The following GRIA2 variants were observed in gnomAD, a reference collection of about 807,000 sequenced individuals.
The protein encoded by GRIA2 is glutamate ionotropic receptor AMPA type subunit 2, also known as glutamate receptor 2.
In GRIA2, 14 loss-of-function variants were observed where a neutral mutation model predicts 97.3. That is an observed-to-expected ratio of 0.14 (90% CI 0.10 to 0.23). The LOEUF is 0.23. Among genes scored for constraint, GRIA2 ranks in the 10% least tolerant of loss-of-function variants. GRIA2 has a pLI of 1.00. For synonymous variants in GRIA2, 412 were observed against 387.8 expected, an observed-to-expected ratio of 1.06 and a Z score of -0.73; for missense variants, 558 against 1,069.8, an observed-to-expected ratio of 0.52 and a Z score of 6.67.
At chr4:157,345,026 A>T (rs1735709939) in intron 12 of GRIA2, among the ~76,000 whole-genome samples, 1 of 152,016 alleles carries the variant, frequency 6.6e-6, no homozygotes, top group Non-Finnish European at 1.5e-5. Context: ...ATAGTTAGGG[A>T]TCTGTTTTGT....
Position 157,221,016 on chromosome 4 carries a change from A to C in GRIA2, c.-27A>C. The stretch of plus-strand genomic sequence containing the variant: ...AGGAAAAGGAAAAAAAAAGGGGTAT[A>C]TTGTGGATGCTCTACTTTTCTTGGA... On this transcript the variant is annotated 5_prime_UTR_variant, in exon 1 of 16. Coordinates refer to ENST00000264426, the MANE Select transcript of GRIA2 (RefSeq NM_001083619.3). 3.5e-6 allele frequency: 4 copies of C among 1,137,564 alleles called. No individual in the cohort carries two copies. The highest frequency in any genetic ancestry group is 2.5e-5 in the South Asian group (2 of 81,416). 70.5% of individuals were successfully genotyped at this position (1,137,564 alleles called of 1,614,324 possible).
intron 2 of GRIA2, among the ~76,000 whole-genome samples, chr4:157,267,391 CAAA>C (rs772189197): frequency 1.7e-4 from 9 of 51,790 alleles, no homozygotes; most frequent in African/African-American, 4.9e-4. Context: ...GACTCCATCT[CAAA>C]AAAAAAAAAA....
chr4:157,223,288 A>C (rs1729591328), intron 2 of GRIA2, among the ~76,000 whole-genome samples: 1 of 152,122 alleles, frequency 6.6e-6, no homozygotes, highest in Admixed American at 6.5e-5. Flanking sequence ...GTAATTTAGG[A>C]TTTAATTGTT....
chr4:157,350,896 G>T (rs1735980698), intron 12 of GRIA2, among the ~76,000 whole-genome samples: 1 of 146,562 alleles, frequency 6.8e-6, no homozygotes, highest in African/African-American at 2.5e-5. Context: ...GCCAGATTTT[G>T]CATTCACTCC....
At chr4:157,323,336 CAAAAAAAA>C (rs779080483) in intron 6 of GRIA2, among the ~76,000 whole-genome samples, 2 of 51,436 alleles carry the variant, frequency 3.9e-5, no homozygotes, top group African/African-American at 8.5e-5. Flanking sequence ...GACTCTGTCT[CAAAAAAAA>C]AAAAAAAAAA....
chr4:157,266,768 T>TA (rs1003322645), intron 2 of GRIA2, among the ~76,000 whole-genome samples: 2 of 152,014 alleles, frequency 1.3e-5, no homozygotes, highest in Admixed American at 6.6e-5. Context: ...AGGAATCAGT[T>TA]AAAAAATAAA....
chr4:157,322,242 AGTGTGTGTGTGTGTGTGTGTGTGTGTGT>A, intron 6 of GRIA2, among the ~76,000 whole-genome samples: 1 of 137,242 alleles, frequency 7.3e-6, no homozygotes. Context: ...AGAGAGAGAG[AGTGTGTGTGTGTGTGTGTGTGTGTGTGT>A]GTGTGTGTGT....
intron 3 of GRIA2, among the ~76,000 whole-genome samples, chr4:157,306,781 G>T (rs1331871467): frequency 6.6e-6 from 1 of 151,958 alleles, no homozygotes; most frequent in African/African-American, 2.4e-5. Context: ...ACATTTTAAC[G>T]AGTTTATTCA....
chr4:157,303,960 G>T (rs559231208), intron 3 of GRIA2, among the ~76,000 whole-genome samples, 169 bp downstream of exon 3: 1 of 152,254 alleles, frequency 6.6e-6, no homozygotes, highest in African/African-American at 2.4e-5. Context: ...AACATATTTA[G>T]AGTAAAACAA....
At chr4:157,231,565 A>T (rs1213935187) in intron 2 of GRIA2, among the ~76,000 whole-genome samples, 1 of 152,196 alleles carries the variant, frequency 6.6e-6, no homozygotes. Context: ...GAAAATTATG[A>T]GGTAAAATAC....
chr4:157,277,894 A>G (rs1378138064), intron 2 of GRIA2, among the ~76,000 whole-genome samples: 3 of 144,744 alleles, frequency 2.1e-5, no homozygotes, highest in African/African-American at 2.5e-5. Flanking sequence ...ATATATGTAT[A>G]TATATATGTA....
intron 6 of GRIA2, among the ~76,000 whole-genome samples, chr4:157,323,563 TG>T (rs1734679586): frequency 1.3e-5 from 2 of 151,910 alleles, no homozygotes; most frequent in African/African-American, 4.8e-5. Flanking sequence ...TCTGATGGAG[TG>T]GATGTTATCC....
At chr4:157,259,531 A>G (rs1245358344) in intron 2 of GRIA2, among the ~76,000 whole-genome samples, 1 of 152,150 alleles carries the variant, frequency 6.6e-6, no homozygotes. Flanking sequence ...TTCACAGATG[A>G]TATGAACTTT....
intron 9 of GRIA2, 58 bp from the exon 10 acceptor site, chr4:157,335,613 G>T (rs1033258780): frequency 1.0e-6 from 1 of 1,000,828 alleles, no homozygotes; most frequent in Non-Finnish European, 1.6e-6. Flanking sequence ...TTGATTCAAT[G>T]AGAGTACATA....
At chr4:157,238,235 C>T (rs1419235609) in intron 2 of GRIA2, among the ~76,000 whole-genome samples, 1 of 152,064 alleles carries the variant, frequency 6.6e-6, no homozygotes, top group Non-Finnish European at 1.5e-5. Context: ...ATACTTTCAG[C>T]CTGCCTTATG....
At chr4:157,270,741 C>T (rs1219295813) in intron 2 of GRIA2, among the ~76,000 whole-genome samples, 2 of 151,986 alleles carry the variant, frequency 1.3e-5, no homozygotes, top group Admixed American at 1.3e-4. Flanking sequence ...GTGCTGGGAA[C>T]ATTGGGCCCA....
intron 2 of GRIA2, among the ~76,000 whole-genome samples, chr4:157,279,603 A>C (rs765241090): frequency 4.6e-5 from 7 of 152,148 alleles, no homozygotes; most frequent in Admixed American, 6.6e-5. Context: ...CAATTTCTTG[A>C]TGAGTGCCTC....
intron 12 of GRIA2, among the ~76,000 whole-genome samples, chr4:157,342,846 G>C (rs1735606293): frequency 6.6e-6 from 1 of 152,024 alleles, no homozygotes; most frequent in African/African-American, 2.4e-5. Context: ...CTCTCTTCCA[G>C]TTGAGCATGC....
At chr4:157,316,726 C>T (rs1478569861) in intron 4 of GRIA2, among the ~76,000 whole-genome samples, 1 of 152,146 alleles carries the variant, frequency 6.6e-6, no homozygotes, top group African/African-American at 2.4e-5. Context: ...GAAAGCAAAA[C>T]TCACCAAAAC....
Sources: gnomAD v4.1 joint callset for allele counts (sites outside exome capture counted in the v4.1 genomes callset) on GRCh38, gnomAD v4.1.1 for gene constraint, MANE v1.5 for transcripts, NCBI Gene and HGNC (gene_info 2026-07-23, HGNC 2026-07-21) for gene names.